GON4L: variants seen among roughly 807,000 people sequenced by gnomAD.
GON4L encodes the protein gon-4 like.
GON4L carries 87 observed loss-of-function variants against 211.8 expected under a neutral mutation model. That is an observed-to-expected ratio of 0.41 (90% CI 0.35 to 0.49). The LOEUF is 0.49. Among genes scored for constraint, GON4L ranks in the 20% least tolerant of loss-of-function variants. GON4L has a pLI of 0.15. For synonymous variants in GON4L, 875 were observed against 962.6 expected (o/e 0.91, Z 1.68); for missense variants, 2,155 against 2,659.5 (o/e 0.81, Z 4.17).
chr1:155,754,624 G>C (rs944269525), intron 27 of GON4L, 136 bp from the exon 28 acceptor site: 8 of 604,620 alleles, frequency 1.3e-5, no homozygotes, highest in Non-Finnish European at 2.3e-5. Flanking sequence ...CTGCCTCCCA[G>C]GTTCAAGGGA....
At chr1:155,804,819 G>T in intron 11 of GON4L, 130 bp downstream of exon 11, 3 of 732,342 alleles carry the variant, frequency 4.1e-6, no homozygotes, top group Non-Finnish European at 7.3e-6. Context: ...ACTGATTTAA[G>T]ATAAATTATC....
chr1:155,797,784 CAG>C (rs1473518430), intron 11 of GON4L, among the ~76,000 whole-genome samples: 6 of 149,556 alleles, frequency 4.0e-5, no homozygotes, highest in Non-Finnish European at 8.9e-5. Flanking sequence ...ACCCAGGAGA[CAG>C]AGGTTGCAGT....
intron 2 of GON4L, chr1:155,845,661 GC>G: frequency 3.1e-6 from 1 of 322,828 alleles, no homozygotes. Context: ...TACCACATAG[GC>G]CCTAAACTAC....
intron 18 of GON4L, among the ~76,000 whole-genome samples, chr1:155,772,247 T>C (rs1663269725): frequency 6.6e-6 from 1 of 152,046 alleles, no homozygotes; most frequent in East Asian, 1.9e-4. Flanking sequence ...AGCTGTATCA[T>C]GACGAGCTGT....
chr1:155,817,413 C>T (rs566018744), intron 6 of GON4L, among the ~76,000 whole-genome samples: 2 of 152,262 alleles, frequency 1.3e-5, no homozygotes, highest in African/African-American at 4.8e-5. Flanking sequence ...GCCAACTGGC[C>T]ATTAGGTTCT....
At chr1:155,831,297 TA>T (rs1557911291) in intron 2 of GON4L, among the ~76,000 whole-genome samples, 1 of 151,504 alleles carries the variant, frequency 6.6e-6, no homozygotes, top group African/African-American at 2.4e-5. Flanking sequence ...GGACCCTGTC[TA>T]AAAAAAAGTT....
intron 27 of GON4L, among the ~76,000 whole-genome samples, chr1:155,755,266 G>A (rs544532591): frequency 1.3e-5 from 2 of 151,642 alleles, no homozygotes; most frequent in African/African-American, 2.4e-5. Context: ...ATGGGATTTC[G>A]CCATGTTGAC....
At chr1:155,759,523 G>A (rs943402337) in intron 24 of GON4L, among the ~76,000 whole-genome samples, 6 of 151,710 alleles carry the variant, frequency 4.0e-5, no homozygotes, top group Non-Finnish European at 5.9e-5. Flanking sequence ...GCAGTGAGCC[G>A]AGATCACGCC....
chr1:155,755,783 T>C (rs1395131788), intron 27 of GON4L, among the ~76,000 whole-genome samples: 1 of 152,132 alleles, frequency 6.6e-6, no homozygotes, highest in African/African-American at 2.4e-5. Context: ...AGAGAGAACT[T>C]TGTACCCATG....
chr1:155,745,695 C>T (rs1196453212), downstream of GON4L: 44 of 774,544 alleles, frequency 5.7e-5, no homozygotes, highest in Admixed American at 8.4e-4. Flanking sequence ...CGCATCATTT[C>T]TCCAATGGGA....
intron 5 of GON4L, among the ~76,000 whole-genome samples, chr1:155,821,120 G>C (rs956667891): frequency 6.6e-6 from 1 of 152,006 alleles, no homozygotes; most frequent in African/African-American, 2.4e-5. Flanking sequence ...CAAAAAATTA[G>C]CCGGGCGTGG....
At chr1:155,774,805 A>T in intron 17 of GON4L, 197 bp downstream of exon 17, 1 of 878,996 alleles carries the variant, frequency 1.1e-6, no homozygotes, top group Non-Finnish European at 1.8e-6. Flanking sequence ...TCCACACTTT[A>T]CCCAGGCCCA....
intron 21 of GON4L, among the ~76,000 whole-genome samples, chr1:155,764,213 G>A (rs1034990377): frequency 8.6e-5 from 13 of 151,684 alleles, no homozygotes; most frequent in African/African-American, 1.7e-4. Context: ...CTGCCTCCCC[G>A]GTTCAAGCAA....
chr1:155,786,560 T>C (rs1664963596), intron 12 of GON4L, among the ~76,000 whole-genome samples: 1 of 151,914 alleles, frequency 6.6e-6, no homozygotes, highest in Non-Finnish European at 1.5e-5. Flanking sequence ...AAAGACAAGT[T>C]TCCAGCAGGG....
intron 2 of GON4L, among the ~76,000 whole-genome samples, chr1:155,831,198 C>T (rs1669729428): frequency 6.6e-6 from 1 of 151,962 alleles, no homozygotes; most frequent in Non-Finnish European, 1.5e-5. Context: ...ACTTGGGAGG[C>T]TAAGGTGGGA....
intron 10 of GON4L, among the ~76,000 whole-genome samples, chr1:155,812,808 T>C (rs1193849497): frequency 6.6e-6 from 1 of 152,086 alleles, no homozygotes. Context: ...CCACCAACCT[T>C]GGCCTCTCAA....
At chr1:155,850,476 A>C (rs1157934119) in intron 2 of GON4L, among the ~76,000 whole-genome samples, 2 of 152,236 alleles carry the variant, frequency 1.3e-5, no homozygotes, top group Non-Finnish European at 2.9e-5. Context: ...ACAGGAGAGC[A>C]CTTTTCCCCA....
intron 22 of GON4L, among the ~76,000 whole-genome samples, chr1:155,762,690 G>A (rs1339479821): frequency 2.0e-5 from 3 of 152,218 alleles, no homozygotes; most frequent in Non-Finnish European, 4.4e-5. Context: ...AGTGTTTTCT[G>A]AAATAAACAT....
chr1:155,814,981 C>T (rs1668113719), intron 8 of GON4L, among the ~76,000 whole-genome samples: 1 of 151,512 alleles, frequency 6.6e-6, no homozygotes, highest in South Asian at 2.1e-4. Flanking sequence ...GGCATGGTAG[C>T]GCACGCCTGT....
Sources: gnomAD v4.1 joint callset for allele counts (sites outside exome capture counted in the v4.1 genomes callset) on GRCh38, gnomAD v4.1.1 for gene constraint, MANE v1.5 for transcripts, NCBI Gene and HGNC (gene_info 2026-07-23, HGNC 2026-07-21) for gene names.